The following ITGA8 variants were observed in gnomAD, a reference collection of about 807,000 sequenced individuals.
ITGA8 encodes the protein integrin alpha-8.
ITGA8 carries 91 observed loss-of-function variants against 142.3 expected under a neutral mutation model. That is an observed-to-expected ratio of 0.64 (90% CI 0.54 to 0.76). The LOEUF is 0.76. Ranked by LOEUF, ITGA8 falls within the 30% of genes least tolerant of loss-of-function variation. The probability of loss-of-function intolerance (pLI) is 0.00; values close to 1 mark genes in which losing one functional copy is unlikely to be tolerated. For missense variants in ITGA8, 1,406 were observed against 1,327.7 expected (o/e 1.06, Z -0.92); for synonymous variants, 505 against 485.2 (o/e 1.04, Z -0.54).
chr10:15,609,450 C>T (rs1667730910), intron 15 of ITGA8, among the ~76,000 whole-genome samples: 1 of 152,114 alleles, frequency 6.6e-6, no homozygotes, highest in South Asian at 2.1e-4. Context: ...AAAAGTGTCA[C>T]ATCTGGGATT....
At chr10:15,682,187 G>A (rs998832764) in intron 4 of ITGA8, among the ~76,000 whole-genome samples, 1 of 152,054 alleles carries the variant, frequency 6.6e-6, no homozygotes, top group African/African-American at 2.4e-5. Context: ...GTATTTTTTT[G>A]TAGCACTTTT....
At chr10:15,547,981 C>T (rs969197401) in intron 27 of ITGA8, among the ~76,000 whole-genome samples, 1 of 152,100 alleles carries the variant, frequency 6.6e-6, no homozygotes. Flanking sequence ...GAAAAATGAC[C>T]AGTTCATCTT....
chr10:15,583,555 C>T (rs1834454356), intron 23 of ITGA8, among the ~76,000 whole-genome samples: 1 of 152,106 alleles, frequency 6.6e-6, no homozygotes, highest in Non-Finnish European at 1.5e-5. Context: ...TCTACTGATA[C>T]ATTCAAGAAC....
intron 22 of ITGA8, among the ~76,000 whole-genome samples, chr10:15,589,944 G>C (rs1038348747): frequency 6.6e-6 from 1 of 151,986 alleles, no homozygotes; most frequent in Non-Finnish European, 1.5e-5. Context: ...TGTACTTTTA[G>C]TAGAGAAAAG....
At chr10:15,566,241 G>A (rs868792639) in intron 25 of ITGA8, among the ~76,000 whole-genome samples, 3 of 152,062 alleles carry the variant, frequency 2.0e-5, no homozygotes, top group Admixed American at 6.5e-5. Flanking sequence ...CATTCTCGGC[G>A]GCAACCTCCA....
At position 15,554,739 on chromosome 10, in the gene ITGA8, CTTTCTTTCT is replaced by C. The variant is rs1168385588; in HGVS notation, c.2766+3326_2766+3334del. Among the ~76,000 whole-genome samples the C allele has an allele frequency of 3.7e-4, 55 of 149,558 alleles. 1 individual carries two copies. The highest frequency in any genetic ancestry group is 1.1e-3 in the African/African-American group (44 of 40,414). On this transcript the variant is annotated intron_variant, in intron 26 of 29. Transcript: ENST00000378076. The stretch of plus-strand genomic sequence containing the variant: ...AAATCCTTTCTTTCTTTCTTTCTTT[CTTTCTTTCT>C]TTTTTTTTTAATGAAGAAAAGAGGT...
chr10:15,602,590 T>A (rs955603125), intron 20 of ITGA8, among the ~76,000 whole-genome samples: 3 of 152,066 alleles, frequency 2.0e-5, no homozygotes, highest in African/African-American at 7.2e-5. Context: ...ATACAAAAAT[T>A]AGCCAGGCAT....
At chr10:15,699,259 G>A (rs1835114177) in intron 2 of ITGA8, among the ~76,000 whole-genome samples, 1 of 152,190 alleles carries the variant, frequency 6.6e-6, no homozygotes, top group African/African-American at 2.4e-5. Context: ...ACTCTAGCCT[G>A]GGAGACAGAG....
intron 2 of ITGA8, among the ~76,000 whole-genome samples, chr10:15,691,646 A>C (rs1471585177): frequency 1.3e-5 from 2 of 152,192 alleles, no homozygotes; most frequent in Non-Finnish European, 2.9e-5. Flanking sequence ...TGGAATCTAA[A>C]AAAGTCAGGC....
At chr10:15,705,294 T>C (rs940416551) in intron 2 of ITGA8, among the ~76,000 whole-genome samples, 3 of 152,230 alleles carry the variant, frequency 2.0e-5, no homozygotes, top group African/African-American at 7.2e-5. Context: ...ACCTTCTCTT[T>C]GACCTCCTCA....
At chr10:15,666,764 C>T (rs1227516217) in intron 8 of ITGA8, among the ~76,000 whole-genome samples, 1 of 152,148 alleles carries the variant, frequency 6.6e-6, no homozygotes, top group African/African-American at 2.4e-5. Flanking sequence ...TTTTCTGCAT[C>T]TATTGAGATA....
Position 15,644,159 on chromosome 10 carries a change from C to A in ITGA8, c.1270G>T (p.Gly424Trp). ...DQRGKVLIYN[G>W]NKDGLNTKPS... Reference sequence around the variant, plus strand: ...TTGGTGTTTAAGCCATCTTTGTTCCCATTATAAATGAGCACTTTGCCTCTT... The same window carrying A: ...TTGGTGTTTAAGCCATCTTTGTTCCAATTATAAATGAGCACTTTGCCTCTT... The change falls in exon 13 of 30, where the codon GGG (glycine) becomes TGG (tryptophan). Residue 424 changes from glycine to tryptophan, a missense_variant. Gly to Trp is a radical substitution (Grantham distance 184). Transcript: ENST00000378076. 6.2e-7 allele frequency: 1 copy of A among 1,614,064 alleles called. No individual in the cohort carries two copies. Among genetic ancestry groups the A allele is most frequent in the Non-Finnish European group, 8.5e-7 (1 of 1,180,018 alleles).
chr10:15,582,541 G>C (rs1487377857), intron 23 of ITGA8, among the ~76,000 whole-genome samples: 2 of 152,180 alleles, frequency 1.3e-5, no homozygotes, highest in South Asian at 2.1e-4. Flanking sequence ...TTGGTAAATG[G>C]CTTTGTATAC....
chr10:15,614,018 A>G (rs1833349456), intron 14 of ITGA8, among the ~76,000 whole-genome samples: 1 of 152,174 alleles, frequency 6.6e-6, no homozygotes. Flanking sequence ...CTGTCAAGCA[A>G]AGTTGCGTAC....
chr10:15,683,982 T>G, intron 4 of ITGA8, 22 bp downstream of exon 4: 1 of 1,613,686 alleles, frequency 6.2e-7, no homozygotes, highest in Non-Finnish European at 8.5e-7. Context: ...AATGTCAGTT[T>G]CAAGGAATAA....
chr10:15,571,007 C>T (rs1834171356), intron 25 of ITGA8, among the ~76,000 whole-genome samples: 1 of 152,066 alleles, frequency 6.6e-6, no homozygotes, highest in Non-Finnish European at 1.5e-5. Context: ...TAATAAGCTA[C>T]TGTCCTTAAA....
In ITGA8 at chr10:15,607,727, T is replaced by C. The variant is rs1362361007; in HGVS notation, c.1714A>G (p.Ile572Val). The C allele has an allele frequency of 1.2e-6, 2 of 1,613,816 alleles. No homozygotes were observed. Among genetic ancestry groups the C allele is most frequent in the Non-Finnish European group, 1.7e-6 (2 of 1,179,862 alleles). Residue 572 changes from isoleucine to valine, a missense_variant, in exon 17 of 30, where the codon ATA becomes GTA. By Grantham distance (29) the Ile-to-Val change is conservative (BLOSUM62 3). Transcript: ENST00000378076. ...HQAHRVFPLV[I>V]KRQKSHQCQD... ...CACTGGTGGGATTTCTGCCTTTTTA[T>C]CACAAGAGGGAAGACGCGATGAGCC...
At chr10:15,713,354 T>G (rs533292418) in intron 2 of ITGA8, among the ~76,000 whole-genome samples, 1 of 152,360 alleles carries the variant, frequency 6.6e-6, no homozygotes, top group South Asian at 2.1e-4. Flanking sequence ...CTTCTTTTTT[T>G]CTGAGTAGCA....
Position 15,516,668 on chromosome 10 carries a change from C to T in ITGA8, c.*490G>A, listed in dbSNP as rs1832965203. 6.6e-6 allele frequency: 1 copy of T among 152,558 alleles called. No homozygotes were observed. Among genetic ancestry groups the T allele is most frequent in the African/African-American group, 2.4e-5 (1 of 41,562 alleles). The allele number at this position is 152,558 out of a possible 1,614,324, so 9.5% of individuals were successfully genotyped here. On this transcript the variant is annotated 3_prime_UTR_variant, in exon 30 of 30. Transcript: ENST00000378076. ...TGCTTGTCTCCCTGAGCCATAATGT[C>T]CTTAGAAATGTTTCTTTTCCATAGG...
Sources: gnomAD v4.1 joint callset for allele counts (sites outside exome capture counted in the v4.1 genomes callset) on GRCh38, gnomAD v4.1.1 for gene constraint, MANE v1.5 for transcripts, NCBI Gene and HGNC (gene_info 2026-07-23, HGNC 2026-07-21) for gene names.